Variants in SRFBP1 observed in about 807,000 individuals in gnomAD.
SRFBP1 encodes serum response factor binding protein 1, also known as serum response factor-binding protein 1.
SRFBP1 carries 47 observed loss-of-function variants against 45.5 expected under a neutral mutation model. The observed-to-expected ratio is 1.03, with a 90% CI of 0.82 to 1.32. SRFBP1 has a LOEUF of 1.32. Among genes scored for constraint, SRFBP1 ranks in the 40% most tolerant of loss-of-function variants. The pLI is 0.00. For missense variants in SRFBP1, 621 were observed against 484.6 expected (o/e 1.28, Z -2.64); for synonymous variants, 203 against 166.3 (o/e 1.22, Z -1.70).
chr5:122,062,477 T>C (rs1262336766), intron 2 of SRFBP1, among the ~76,000 whole-genome samples: 1 of 152,012 alleles, frequency 6.6e-6, no homozygotes, highest in Non-Finnish European at 1.5e-5. Flanking sequence ...ACTGAGCTAA[T>C]TAATGAACAG....
chr5:122,020,616 G>T lies in SRFBP1; in HGVS notation c.881G>T (p.Arg294Leu), dbSNP rs200022745. ...DFFIGKVRRTRKKESSCHSSV... is the reference protein window; with the variant it reads ...DFFIGKVRRTLKKESSCHSSV... ...TTCATTGGGAAAGTCAGACGGACAC[G>T]AAAGAAGGAAAGTAGTTGTCATTCT... Residue 294 changes from arginine (R) to leucine (L), a missense_variant, in exon 6 of 8, where the codon CGA (arginine) becomes CTA (leucine). Transcript: ENST00000339397. The T allele has an allele frequency of 3.7e-6, 6 of 1,613,778 alleles. No individual in the cohort carries two copies. The Admixed American group carries it at 5.0e-5, about 13-fold the overall frequency.
intron 3 of SRFBP1, among the ~76,000 whole-genome samples, chr5:121,983,847 C>A (rs575360150): frequency 6.6e-6 from 1 of 151,642 alleles, no homozygotes. Context: ...TAGTAGTAAA[C>A]TTACTTTGTT....
At chr5:122,072,756 G>C (rs1754486521) in intron 2 of SRFBP1, among the ~76,000 whole-genome samples, 1 of 152,130 alleles carries the variant, frequency 6.6e-6, no homozygotes, top group Non-Finnish European at 1.5e-5. Context: ...TAACAAGAAA[G>C]CTACCATATA....
chr5:122,077,638 G>A, downstream of SRFBP1: 1 of 1,610,592 alleles, frequency 6.2e-7, no homozygotes, highest in Non-Finnish European at 8.5e-7. The surrounding 1 kb of genome is among the most constrained non-coding windows in gnomAD (Gnocchi z 4.9). Context: ...TGGGCCTGGG[G>A]CGGCCAGCGG....
At chr5:121,998,671 A>AC (rs1480479369) in intron 4 of SRFBP1, among the ~76,000 whole-genome samples, 1 of 151,672 alleles carries the variant, frequency 6.6e-6, no homozygotes, top group Non-Finnish European at 1.5e-5. Context: ...ATAAAAAAAA[A>AC]AAAAACTAAG....
At chr5:122,069,318 C>T (rs1227640107) in intron 2 of SRFBP1, among the ~76,000 whole-genome samples, 1 of 152,070 alleles carries the variant, frequency 6.6e-6, no homozygotes, top group Non-Finnish European at 1.5e-5. Context: ...GAAGGCATAA[C>T]TCAAGTGGCA....
chr5:122,011,824 CTGCAGTAACCCAG>C (rs1272502443), intron 4 of SRFBP1, among the ~76,000 whole-genome samples: 1 of 151,814 alleles, frequency 6.6e-6, no homozygotes, highest in African/African-American at 2.4e-5. Context: ...TTGTGAGTTT[CTGCAGTAACCCAG>C]TGCAGTAAGC....
At chr5:122,057,080 C>G (rs746975338) in intron 2 of SRFBP1, among the ~76,000 whole-genome samples, 1 of 152,168 alleles carries the variant, frequency 6.6e-6, no homozygotes, top group Non-Finnish European at 1.5e-5. Context: ...ATATAACCAC[C>G]TTGCCAAGTG....
rs1323039756 is a variant in SRFBP1, at chr5:121,962,028, C to G, written c.-5C>G. ...GCAGCGGCGGATCATATTCCTTCAT[C>G]TACCATGGCTCAGCCGGGAACTCTG... On this transcript the variant is annotated 5_prime_UTR_variant, in exon 1 of 8. It adds an upstream start codon to the 5' untranslated region. Coordinates refer to ENST00000339397, the MANE Select transcript of SRFBP1 (RefSeq NM_152546.3). 6.2e-7 allele frequency: 1 copy of G among 1,613,954 alleles called. No homozygotes were observed. The highest frequency in any genetic ancestry group is 8.5e-7 in the Non-Finnish European group (1 of 1,180,034).
At chr5:121,962,319 T>C (rs1295280693) in intron 1 of SRFBP1, among the ~76,000 whole-genome samples, 1 of 152,210 alleles carries the variant, frequency 6.6e-6, no homozygotes, top group Non-Finnish European at 1.5e-5. Flanking sequence ...ACCTTTAGCC[T>C]GTACGTTCAA....
downstream of SRFBP1, chr5:122,078,239 C>G (rs570755752): frequency 2.2e-5 from 9 of 405,166 alleles, no homozygotes; most frequent in South Asian, 5.7e-4. Flanking sequence ...GCGCGGCAGT[C>G]CCGGAGAGCG....
intron 2 of SRFBP1, among the ~76,000 whole-genome samples, chr5:122,050,817 T>G (rs1234324182): frequency 2.0e-5 from 3 of 151,980 alleles, no homozygotes; most frequent in Non-Finnish European, 4.4e-5. Flanking sequence ...TGCTCTTGTT[T>G]CTCTAGTTCT....
At chr5:121,990,083 CA>C (rs1752590511) in intron 3 of SRFBP1, among the ~76,000 whole-genome samples, 1 of 152,046 alleles carries the variant, frequency 6.6e-6, no homozygotes, top group Admixed American at 6.6e-5. Flanking sequence ...GGTATATACC[CA>C]AAAAATTAAG....
chr5:122,049,911 C>A (rs969342004), intron 2 of SRFBP1, among the ~76,000 whole-genome samples: 6 of 152,150 alleles, frequency 3.9e-5, no homozygotes, highest in African/African-American at 1.4e-4. Flanking sequence ...TAAATGCTCA[C>A]AAGAGAAAGC....
At chr5:121,976,407 T>C (rs1000536239) in intron 3 of SRFBP1, among the ~76,000 whole-genome samples, 2 of 151,952 alleles carry the variant, frequency 1.3e-5, no homozygotes, top group African/African-American at 4.8e-5. Context: ...AAAAGTCTTC[T>C]GTATTTGACT....
chr5:122,077,853 G>T, downstream of SRFBP1: 7 of 1,543,592 alleles, frequency 4.5e-6, no homozygotes, highest in Non-Finnish European at 6.1e-6. The surrounding 1 kb of genome is among the most constrained non-coding windows in gnomAD (Gnocchi z 4.9). Context: ...CATTGGATCT[G>T]CTGGCGCCAG....
At chr5:122,035,821 G>T (rs549056490) in intron 2 of SRFBP1, among the ~76,000 whole-genome samples, 6 of 152,102 alleles carry the variant, frequency 3.9e-5, no homozygotes, top group Non-Finnish European at 8.8e-5. Flanking sequence ...GCTTCCACAG[G>T]TTCTCGCTAA....
chr5:121,969,787 T>C (rs1422822456), intron 1 of SRFBP1, among the ~76,000 whole-genome samples: 1 of 152,116 alleles, frequency 6.6e-6, no homozygotes, highest in Non-Finnish European at 1.5e-5. Flanking sequence ...GGTGATGGCC[T>C]CAGATTTTCC....
At chr5:122,042,128 ACT>A (rs147837004) in intron 2 of SRFBP1, among the ~76,000 whole-genome samples, 6,434 of 151,542 alleles carry the variant, frequency 0.042, 155 homozygotes, top group African/African-American at 0.054. Context: ...CATTTTGACA[ACT>A]CTATTTTTTC....
Sources: allele counts gnomAD v4.1 joint callset (sites outside exome capture counted in the v4.1 genomes callset), GRCh38; gene constraint gnomAD v4.1.1; non-coding constraint Gnocchi (gnomAD v3.1); transcripts MANE v1.5; gene names NCBI Gene and HGNC (gene_info 2026-07-23, HGNC 2026-07-21).